Variants in AK9 observed in about 807,000 individuals in gnomAD.
AK9 encodes adenylate kinase 9.
Under a neutral mutation model 239.6 loss-of-function variants are expected in AK9, and 191 were observed. That is an observed-to-expected ratio of 0.80 (90% CI 0.71 to 0.90). The LOEUF (loss-of-function observed/expected upper bound fraction) is 0.90, where lower values mean the gene tolerates loss of function less well. Among genes scored for constraint, AK9 ranks in the 40% least tolerant of loss-of-function variants. The pLI, the probability that AK9 is intolerant of heterozygous loss-of-function variation, is 0.00. For missense variants in AK9, 1,995 were observed against 2,214.7 expected, an observed-to-expected ratio of 0.90 and a Z score of 1.99; for synonymous variants, 689 against 721.0, an observed-to-expected ratio of 0.96 and a Z score of 0.71.
chr6:109,685,708 C>A (rs1773412654), intron 1 of AK9, among the ~76,000 whole-genome samples: 1 of 151,888 alleles, frequency 6.6e-6, no homozygotes, highest in African/African-American at 2.4e-5. Context: ...GCACATGTAC[C>A]CCAGAACTTA....
At chr6:109,616,204 A>G (rs1177264607) in intron 13 of AK9, among the ~76,000 whole-genome samples, 2 of 152,206 alleles carry the variant, frequency 1.3e-5, no homozygotes, top group African/African-American at 4.8e-5. Flanking sequence ...TTATGTGATT[A>G]GCTCTCTGGA....
chr6:109,690,261 C>T (rs1774145124), intron 1 of AK9, among the ~76,000 whole-genome samples: 2 of 152,198 alleles, frequency 1.3e-5, no homozygotes. Context: ...ATCTTATACT[C>T]TTGCAGTAGG....
Position 109,636,611 on chromosome 6 carries a change from G to T in AK9, c.934-3288C>A, listed in dbSNP as rs568429183. Among the ~76,000 whole-genome samples the T allele has an allele frequency of 2.0e-5, 3 of 150,014 alleles. No individual in the cohort carries two copies. In the South Asian group the frequency reaches 6.4e-4, roughly 32 times the overall value. On this transcript the variant is annotated intron_variant, in intron 10 of 40. Coordinates refer to ENST00000424296, the MANE Select transcript of AK9 (RefSeq NM_001145128.3). ...TCCTACATTCTGTCTCTATGAATTT[G>T]TCTATTCTGTGTATCTCGTATAAGT...
chr6:109,658,092 C>A (rs1190420522), intron 7 of AK9, among the ~76,000 whole-genome samples: 1 of 152,162 alleles, frequency 6.6e-6, no homozygotes, highest in African/African-American at 2.4e-5. Context: ...ATGTTTCAGG[C>A]TTTTCACAAT....
intron 32 of AK9, among the ~76,000 whole-genome samples, chr6:109,510,568 G>T (rs1178023635): frequency 6.6e-6 from 1 of 152,116 alleles, no homozygotes; most frequent in Non-Finnish European, 1.5e-5. Context: ...GCAGAGAGGA[G>T]CTACCCTCTC....
In AK9 at chr6:109,515,907, T is replaced by C; in HGVS notation, c.4015A>G (p.Thr1339Ala). 1 of 1,551,742 alleles carries C rather than the reference T, an allele frequency of 6.4e-7. No individual in the cohort carries two copies. Among genetic ancestry groups the C allele is most frequent in the Non-Finnish European group, 8.7e-7 (1 of 1,146,890 alleles). ...IPAPLAQKML[T>A]FTYKYISSFG... ...GAGCTTATATACTTGTAGGTAAAGG[T>C]GAGCATTTTCTGGGCAAGGGGTGCT... Residue 1339 changes from threonine to alanine, a missense_variant, in exon 31 of 41, where the codon ACC becomes GCC. By Grantham distance (58) the Thr-to-Ala change is moderately conservative. Transcript: ENST00000424296.
intron 1 of AK9, among the ~76,000 whole-genome samples, chr6:109,688,789 CA>C (rs1773880092): frequency 6.6e-6 from 1 of 152,184 alleles, no homozygotes; most frequent in African/African-American, 2.4e-5. Context: ...TTTTTGACTC[CA>C]AAAGCTCATA....
chr6:109,537,403 T>C (rs1230351969), intron 27 of AK9, among the ~76,000 whole-genome samples: 2 of 150,894 alleles, frequency 1.3e-5, no homozygotes, highest in African/African-American at 2.4e-5. Context: ...GAGGTGTTTA[T>C]AGTATTCTCT....
chr6:109,545,313 C>T (rs1783404484), intron 26 of AK9, among the ~76,000 whole-genome samples: 1 of 152,160 alleles, frequency 6.6e-6, no homozygotes, highest in South Asian at 2.1e-4. Flanking sequence ...TGGTAGTGCA[C>T]ACCTGTAGTC....
At chr6:109,636,964 T>A (rs1306254485) in intron 10 of AK9, among the ~76,000 whole-genome samples, 6 of 152,286 alleles carry the variant, frequency 3.9e-5, no homozygotes, top group African/African-American at 1.4e-4. Flanking sequence ...GTTTAACTTT[T>A]TTAGCAACCA....
rs1364793791 is a variant in AK9 at position 109,661,212 on chromosome 6, G to T, written c.444+1339C>A. Among the ~76,000 whole-genome samples, 9 of 152,124 alleles carry T rather than the reference G, an allele frequency of 5.9e-5. 1 individual carries two copies. Among genetic ancestry groups the T allele is most frequent in the Non-Finnish European group, 1.0e-4 (7 of 68,034 alleles). ...TAGAAACTGCCATAGGATACTTCAT[G>T]ATCACACTTATAACATGAATGGGGT... On this transcript the variant is annotated intron_variant, in intron 6 of 40. Transcript: ENST00000424296.
At chr6:109,546,777 AGC>A (rs1401065855) in intron 25 of AK9, among the ~76,000 whole-genome samples, 1 of 152,214 alleles carries the variant, frequency 6.6e-6, no homozygotes, top group East Asian at 1.9e-4. Context: ...ATATAGCTGC[AGC>A]CTCACACCAT....
chr6:109,624,572 C>T (rs1430607816), intron 12 of AK9, among the ~76,000 whole-genome samples: 4 of 152,200 alleles, frequency 2.6e-5, no homozygotes. Context: ...ATTGGAATTC[C>T]CAGTCCTTTC....
At chr6:109,668,187 C>A (rs533056859) in intron 5 of AK9, among the ~76,000 whole-genome samples, 130 of 151,884 alleles carry the variant, frequency 8.6e-4, no homozygotes, top group Non-Finnish European at 1.0e-3. Context: ...CTGTTGGCTG[C>A]AGAAATGTCT....
intron 35 of AK9, 26 bp from the exon 36 acceptor site, chr6:109,499,266 CAT>C: frequency 7.1e-7 from 1 of 1,406,572 alleles, no homozygotes; most frequent in Non-Finnish European, 9.4e-7. Flanking sequence ...TAACTATTAT[CAT>C]GTATATATTT....
chr6:109,584,657 C>T, intron 19 of AK9, among the ~76,000 whole-genome samples: 1 of 152,098 alleles, frequency 6.6e-6, no homozygotes, highest in Non-Finnish European at 1.5e-5. Flanking sequence ...AATAAGCCCT[C>T]AATGTTAAAC....
At chr6:109,600,319 G>T (rs1049426021) in intron 17 of AK9, among the ~76,000 whole-genome samples, 2 of 152,134 alleles carry the variant, frequency 1.3e-5, no homozygotes, top group Admixed American at 1.3e-4. Context: ...GGCCTTTTCC[G>T]CATCTATTGA....
At chr6:109,554,525 CT>C (rs3060760) in intron 24 of AK9, among the ~76,000 whole-genome samples, 5,658 of 77,236 alleles carry the variant, frequency 0.073, 149 homozygotes, top group East Asian at 0.27. Context: ...TATTTCTTTT[CT>C]TTTTTTTTTT....
intron 21 of AK9, among the ~76,000 whole-genome samples, chr6:109,568,043 A>C (rs1248652943): frequency 6.6e-6 from 1 of 152,148 alleles, no homozygotes; most frequent in African/African-American, 2.4e-5. Context: ...AATACTGGCA[A>C]ACCGAATCCA....
Sources: gnomAD v4.1 joint callset for allele counts (sites outside exome capture counted in the v4.1 genomes callset) on GRCh38, gnomAD v4.1.1 for gene constraint, MANE v1.5 for transcripts, NCBI Gene and HGNC (gene_info 2026-07-23, HGNC 2026-07-21) for gene names.